Variants in RHPN2 observed in about 807,000 individuals in gnomAD.
The protein encoded by RHPN2 is rhophilin-2.
A neutral mutation model predicts 79.0 loss-of-function variants in RHPN2; 40 were observed. The observed-to-expected ratio is 0.51, with a 90% CI of 0.39 to 0.66. The LOEUF (loss-of-function observed/expected upper bound fraction) is 0.66. Ranked by LOEUF, RHPN2 falls within the 30% of genes least tolerant of loss-of-function variation. The pLI, the probability that RHPN2 is intolerant of heterozygous loss-of-function variation, is 0.00. For missense variants in RHPN2, 686 were observed against 883.5 expected (o/e 0.78, Z 2.83); for synonymous variants, 285 against 363.5 (o/e 0.78, Z 2.46).
rs77465587 is a variant in RHPN2 at position 33,047,988 on chromosome 19, C to A, written c.70-3624G>T. ...ATTCTCATTTCCCATCAGGTCACCA[C>A]CACCCATCCCCCACATAGCCCCACA... On this transcript the variant is annotated intron_variant, in intron 1 of 14. Coordinates refer to ENST00000254260, the MANE Select transcript of RHPN2 (RefSeq NM_033103.5). 6.6e-3 allele frequency among the ~76,000 whole-genome samples: 1,005 copies of A among 152,194 alleles called. 15 individuals carry two copies. Among genetic ancestry groups the A allele is most frequent in the African/African-American group, 0.023 (970 of 41,526 alleles).
intron 3 of RHPN2, among the ~76,000 whole-genome samples, chr19:33,022,256 A>G (rs1208946692): frequency 2.0e-5 from 3 of 152,086 alleles, no homozygotes; most frequent in Non-Finnish European, 4.4e-5. Flanking sequence ...CTCAGTCTCA[A>G]TGCTTCTTTC....
intron 14 of RHPN2, among the ~76,000 whole-genome samples, chr19:32,985,480 A>G (rs1309538009): frequency 6.6e-6 from 1 of 152,132 alleles, no homozygotes; most frequent in East Asian, 1.9e-4. Flanking sequence ...TACAAAAAAT[A>G]CGAAAAATTA....
chr19:32,993,714 C>A (rs1192374645), intron 12 of RHPN2, among the ~76,000 whole-genome samples: 1 of 152,106 alleles, frequency 6.6e-6, no homozygotes, highest in East Asian at 1.9e-4. Flanking sequence ...CCCAAGGAAG[C>A]TCATCACCTT....
chr19:33,023,784 C>CA (rs61273503), intron 3 of RHPN2, among the ~76,000 whole-genome samples: 44,206 of 110,234 alleles, frequency 0.4, 8,456 homozygotes, highest in African/African-American at 0.55. Context: ...GACTCCATCT[C>CA]AAAAAAAAAA....
chr19:33,023,437 GAAA>G (rs751212140), intron 3 of RHPN2, among the ~76,000 whole-genome samples: 2 of 77,784 alleles, frequency 2.6e-5, no homozygotes. Flanking sequence ...TCCATCTCAG[GAAA>G]AAAAAAAAAA....
chr19:33,019,045 AAAG>A (rs564761433), intron 4 of RHPN2, among the ~76,000 whole-genome samples: 14,332 of 83,262 alleles, frequency 0.17, 712 homozygotes, highest in African/African-American at 0.35. Flanking sequence ...AAAAAAAAAA[AAAG>A]AAAGAAAGAA....
chr19:33,013,993 A>G (rs1326135953), intron 4 of RHPN2, among the ~76,000 whole-genome samples: 1 of 151,634 alleles, frequency 6.6e-6, no homozygotes, highest in East Asian at 1.9e-4. Flanking sequence ...CTCCTACTTC[A>G]GCCTCCCAAG....
chr19:33,002,214 C>T, intron 9 of RHPN2, 33 bp downstream of exon 9: 2 of 1,608,176 alleles, frequency 1.2e-6, no homozygotes, highest in Non-Finnish European at 1.7e-6. Flanking sequence ...GGACCACAGC[C>T]CTCGCCAAAC....
In RHPN2 at chr19:33,036,739, G is replaced by A. The variant is rs530838142; in HGVS notation, c.185+7510C>T. Among the ~76,000 whole-genome samples, 8 of 152,328 alleles carry A rather than the reference G, an allele frequency of 5.3e-5. No individual in the cohort carries two copies. In the East Asian group the frequency reaches 7.7e-4, roughly 15 times the overall value. On this transcript the variant is annotated intron_variant, in intron 2 of 14. Transcript: ENST00000254260. Reference sequence around the variant, plus strand: ...GACGGGCCCCGCACTAGGAGCCGACGTCCGGCCCGCTGGCCCCGGGCAGTG... The same window carrying A: ...GACGGGCCCCGCACTAGGAGCCGACATCCGGCCCGCTGGCCCCGGGCAGTG...
chr19:33,042,965 G>A (rs1972112357), intron 2 of RHPN2, among the ~76,000 whole-genome samples: 1 of 152,044 alleles, frequency 6.6e-6, no homozygotes, highest in Non-Finnish European at 1.5e-5. Context: ...TGTAATCCCA[G>A]CTACTGAGGA....
chr19:32,988,977 A>G (rs887675124), intron 14 of RHPN2, among the ~76,000 whole-genome samples: 1 of 152,196 alleles, frequency 6.6e-6, no homozygotes, highest in Non-Finnish European at 1.5e-5. Flanking sequence ...CACCCAACTG[A>G]TCCTCAATCA....
chr19:33,017,289 G>A (rs75205874), intron 4 of RHPN2, among the ~76,000 whole-genome samples: 32,509 of 151,892 alleles, frequency 0.21, 3,927 homozygotes, highest in East Asian at 0.3. Context: ...CAGGAGAACC[G>A]CTTGAACCCA....
At chr19:33,042,602 C>T (rs917259919) in intron 2 of RHPN2, among the ~76,000 whole-genome samples, 6 of 152,172 alleles carry the variant, frequency 3.9e-5, no homozygotes, top group Non-Finnish European at 8.8e-5. Flanking sequence ...AACTTCCCAC[C>T]CAGGACCTCA....
intron 1 of RHPN2, among the ~76,000 whole-genome samples, 191 bp downstream of exon 1, chr19:33,064,593 C>T (rs1163166128): frequency 2.6e-5 from 4 of 152,114 alleles, no homozygotes; most frequent in Non-Finnish European, 5.9e-5. Flanking sequence ...GCCACCTGCC[C>T]GGGACGCCGG....
At chr19:33,012,222 A>T (rs1314166706) in intron 5 of RHPN2, among the ~76,000 whole-genome samples, 2 of 151,862 alleles carry the variant, frequency 1.3e-5, no homozygotes, top group African/African-American at 2.4e-5. Flanking sequence ...TTGTATTTTT[A>T]GTAGAAACAG....
chr19:33,021,753 C>T (rs1289580509), intron 3 of RHPN2, 107 bp from the exon 4 acceptor site: 2 of 796,828 alleles, frequency 2.5e-6, no homozygotes, highest in Non-Finnish European at 2.2e-6. Flanking sequence ...CCCCTCCTTA[C>T]CCCATCCTGT....
chr19:33,038,916 C>T (rs1353532078), intron 2 of RHPN2, among the ~76,000 whole-genome samples: 1 of 152,192 alleles, frequency 6.6e-6, no homozygotes, highest in Non-Finnish European at 1.5e-5. Context: ...CTTCAGCCTC[C>T]CAAAGTGCTG....
rs751082956 is a variant in RHPN2, at chr19:32,996,115, C to T, written c.1331G>A (p.Cys444Tyr). 3.1e-6 allele frequency: 5 copies of T among 1,614,072 alleles called. No individual in the cohort carries two copies. The highest frequency in any genetic ancestry group is 4.2e-6 in the Non-Finnish European group (5 of 1,179,936). ...RSIEVLQKVL[C>Y]AAQERSRLTY... ...GAGCCGGGAGCGTTCCTGTGCGGCA[C>T]ACAGCACCTTCTGTAGCACCTCAAT... is the stretch of plus-strand genomic sequence containing the variant. The change falls in exon 11 of 15, where the codon TGT becomes TAT. Residue 444 changes from cysteine (C) to tyrosine (Y), a missense_variant. Physicochemically the swap from Cys to Tyr is radical, Grantham distance 194. Transcript: ENST00000254260.
intron 6 of RHPN2, 66 bp downstream of exon 6, chr19:33,011,613 T>C: frequency 6.2e-7 from 1 of 1,611,670 alleles, no homozygotes; most frequent in Non-Finnish European, 8.5e-7. Flanking sequence ...GCGTCTGTGA[T>C]GCTGAGGCTC....
Sources: allele counts gnomAD v4.1 joint callset (sites outside exome capture counted in the v4.1 genomes callset), GRCh38; gene constraint gnomAD v4.1.1; transcripts MANE v1.5; gene names NCBI Gene and HGNC (gene_info 2026-07-23, HGNC 2026-07-21).